Variants in SLC11A1 observed in about 807,000 individuals in gnomAD.
The protein encoded by SLC11A1 is natural resistance-associated macrophage protein 1.
Under a neutral mutation model 63.2 loss-of-function variants are expected in SLC11A1, and 59 were observed. The ratio of observed to expected loss-of-function variants is 0.93; its 90% CI spans 0.76 to 1.16. The LOEUF is 1.16. Ranked by LOEUF, SLC11A1 falls within the 50% of genes most tolerant of loss-of-function variation. SLC11A1 has a pLI of 0.00. For missense variants in SLC11A1, 688 were observed against 730.7 expected (o/e 0.94, Z 0.67); for synonymous variants, 305 against 307.8 (o/e 0.99, Z 0.09).
intron 11 of SLC11A1, chr2:218,392,063 T>C (rs1696486403): frequency 2.6e-6 from 1 of 385,204 alleles, no homozygotes; most frequent in Middle Eastern, 8.8e-4. Context: ...GCCTTTTCTT[T>C]TCTTTCTTTC....
In SLC11A1 at chr2:218,394,160, T is replaced by A. The variant is rs1696618246; in HGVS notation, c.1355T>A (p.Met452Lys). ...AVLPILTFTS[M>K]PTLMQEFANG... ...CTGCCCATCCTCACGTTCACCAGCA[T>A]GCCCACCCTCATGCAGGAGTTTGCC... The change falls in exon 13 of 15, where the codon ATG becomes AAG. Residue 452 changes from methionine to lysine, a missense_variant. Coordinates refer to ENST00000233202, the MANE Select transcript of SLC11A1 (RefSeq NM_000578.4). The A allele has an allele frequency of 5.6e-6, 9 of 1,614,074 alleles. No individual in the cohort carries two copies. Among genetic ancestry groups the A allele is most frequent in the Non-Finnish European group, 7.6e-6 (9 of 1,180,032 alleles).
rs1695969730 is a variant in SLC11A1 at position 218,384,471 on chromosome 2, G to A, written c.273+106G>A. On this transcript the variant is annotated intron_variant, in intron 3 of 14. Transcript: ENST00000233202. This position sits in a 1 kb window ranked among gnomAD's most constrained non-coding sequence, Gnocchi z 4.0. ...GTTTCTCCAATGTGGCCTGGGAGCT[G>A]GTGTTAAGTTCAAATGGGCCCGAAA... 2.8e-6 allele frequency: 4 copies of A among 1,404,012 alleles called. No individual in the cohort carries two copies. The highest frequency in any genetic ancestry group is 3.8e-6 in the Non-Finnish European group (4 of 1,041,566). 87.0% of individuals were successfully genotyped at this position (1,404,012 alleles called of 1,614,324 possible).
Position 218,383,015 on chromosome 2 carries a change from G to T in SLC11A1, c.63G>T (p.Pro21=). 3.1e-6 allele frequency: 5 copies of T among 1,611,420 alleles called. No individual in the cohort carries two copies. Among genetic ancestry groups the T allele is most frequent in the Non-Finnish European group, 4.2e-6 (5 of 1,179,742 alleles). Reference sequence around the variant, plus strand: ...CCAGCTATGGTTCCATCTCCAGCCCGACCAGCCCGACCAGCCCAGGGCCAC... The same window carrying T: ...CCAGCTATGGTTCCATCTCCAGCCCTACCAGCCCGACCAGCCCAGGGCCAC... ...SGSSYGSISS[P]TSPTSPGPQQ... is the part of the protein sequence containing the mutation. Residue 21 remains proline, a synonymous_variant, in exon 2 of 15, where the codon CCG becomes CCT. Coordinates refer to ENST00000233202, the MANE Select transcript of SLC11A1 (RefSeq NM_000578.4).
intron 13 of SLC11A1, 49 bp downstream of exon 13, chr2:218,394,242 C>G: frequency 6.5e-7 from 1 of 1,548,426 alleles, no homozygotes; most frequent in Non-Finnish European, 8.9e-7. Flanking sequence ...ACATTTCATC[C>G]TCACAGCCAC....
At chr2:218,394,536 C>G in intron 13 of SLC11A1, 96 bp from the exon 14 acceptor site, 5 of 1,371,540 alleles carry the variant, frequency 3.6e-6, no homozygotes, top group Non-Finnish European at 5.1e-6. Flanking sequence ...CTCAGTGTAT[C>G]CCCACCCCCA....
At chr2:218,390,603 G>A (rs1696372668) in intron 9 of SLC11A1, among the ~76,000 whole-genome samples, 1 of 152,162 alleles carries the variant, frequency 6.6e-6, no homozygotes. Context: ...CCAAGGACCT[G>A]GGCACTGCCA....
At chr2:218,387,049 G>C in intron 5 of SLC11A1, 111 bp from the exon 6 acceptor site, 1 of 985,496 alleles carries the variant, frequency 1.0e-6, no homozygotes, top group East Asian at 2.4e-5. Context: ...GTCTGGGGGC[G>C]CTTAGGGTCC....
intron 11 of SLC11A1, chr2:218,392,125 A>T: frequency 2.5e-6 from 1 of 393,218 alleles, no homozygotes; most frequent in South Asian, 1.8e-5. Context: ...GCTGGAGTGC[A>T]ATGGCGCGAT....
rs1229555010 is a variant in SLC11A1, at chr2:218,387,728, G to C, written c.640-72G>C. On this transcript the variant is annotated intron_variant, in intron 7 of 14. Coordinates refer to ENST00000233202, the MANE Select transcript of SLC11A1 (RefSeq NM_000578.4). ...GGCTGCGGGGGGCTGGGGTGGGATG[G>C]AGGCTGAGAAATGGTGACCGCGGCG... 2.5e-6 allele frequency: 4 copies of C among 1,611,676 alleles called. No homozygotes were observed. The African/African-American group carries it at 4.0e-5, about 16-fold the overall frequency.
chr2:218,391,254 C>A lies in SLC11A1; in HGVS notation c.1011C>A (p.Asn337Lys), dbSNP rs756884699. 21 of 1,612,402 alleles carry A rather than the reference C, an allele frequency of 1.3e-5. No individual in the cohort carries two copies. The East Asian group carries it at 4.7e-4, about 36-fold the overall frequency. Residue 337 changes from asparagine (N) to lysine (K), a missense_variant, in exon 10 of 15, where the codon AAC (asparagine) becomes AAA (lysine). Asn to Lys is a moderately conservative substitution (Grantham distance 94). Transcript: ENST00000233202. ...ACTACGCCAAGATCTTCCCCATGAA[C>A]AACGCCACCGTGGCCGTGGACATTT... ...LHDYAKIFPM[N>K]NATVAVDIYQ...
Position 218,384,912 on chromosome 2 carries a change from G to A in SLC11A1, c.274-235G>A. ...TAATTTATTTATTTATTTAGAGATG[G>A]GGGTCTCACTATGTTGCTCAGGCTG... is the stretch of plus-strand genomic sequence containing the variant. On this transcript the variant is annotated intron_variant, in intron 3 of 14. Transcript: ENST00000233202. This position sits in a 1 kb window ranked among gnomAD's most constrained non-coding sequence, Gnocchi z 4.0. The A allele has an allele frequency of 2.1e-6, 1 of 470,088 alleles. No homozygotes were observed. The highest frequency in any genetic ancestry group is 3.9e-6 in the Non-Finnish European group (1 of 256,326). The allele number at this position is 470,088 out of a possible 1,614,324, so 29.1% of individuals were successfully genotyped here. A position where few individuals can be genotyped will look rare whatever the true frequency, so the allele number is the denominator to read the frequency against.
Position 218,387,186 on chromosome 2 carries a change from T to C in SLC11A1, c.527T>C (p.Ile176Thr). 1 of 1,614,168 alleles carries C rather than the reference T, an allele frequency of 6.2e-7. No homozygotes were observed. Among genetic ancestry groups the C allele is most frequent in the South Asian group, 1.1e-5 (1 of 91,078 alleles). ...GRIPLWGGVLITIVDTFFFLF... is the reference protein window; with the variant it reads ...GRIPLWGGVLTTIVDTFFFLF... Reference sequence around the variant, plus strand: ...ATCCCACTCTGGGGTGGCGTCCTCATCACCATCGTGGACACCTTCTTCTTC... The same window carrying C: ...ATCCCACTCTGGGGTGGCGTCCTCACCACCATCGTGGACACCTTCTTCTTC... The change falls in exon 6 of 15, where the codon ATC (isoleucine) becomes ACC (threonine). Residue 176 changes from isoleucine to threonine, a missense_variant. Ile to Thr is a moderately conservative substitution (Grantham distance 89). Coordinates refer to ENST00000233202, the MANE Select transcript of SLC11A1 (RefSeq NM_000578.4).
intron 8 of SLC11A1, among the ~76,000 whole-genome samples, chr2:218,389,194 G>C (rs1426092974): frequency 6.6e-6 from 1 of 151,982 alleles, no homozygotes; most frequent in Non-Finnish European, 1.5e-5. Context: ...TGAAAGTTGG[G>C]GAAGTAGATC....
chr2:218,394,218 T>A lies in SLC11A1; in HGVS notation c.1388+25T>A, dbSNP rs749489978. 4 of 1,608,012 alleles carry A rather than the reference T, an allele frequency of 2.5e-6. No individual in the cohort carries two copies. In the African/African-American group the frequency reaches 5.3e-5, roughly 22 times the overall value. ...TGTGAGTACCCCCTTTCCCAAGTGC[T>A]GGATTGCATCACCACATTTCATCCT... On this transcript the variant is annotated intron_variant, in intron 13 of 14. Coordinates refer to ENST00000233202, the MANE Select transcript of SLC11A1 (RefSeq NM_000578.4).
At position 218,386,639 on chromosome 2, in the gene SLC11A1, C is replaced by T. The variant is rs1574765770; in HGVS notation, c.398C>T (p.Pro133Leu). The change falls in exon 5 of 15, where the codon CCC (proline) becomes CTC (leucine). Residue 133 changes from proline (P) to leucine (L), a missense_variant. Coordinates refer to ENST00000233202, the MANE Select transcript of SLC11A1 (RefSeq NM_000578.4). ...AGGATCATCTCCTCCCCATAGGTGC[C>T]CCGCACCGTCCTCTGGCTGACCATC... The part of the protein sequence containing the change: ...EVCHLYYPKV[P>L]RTVLWLTIEL... The T allele has an allele frequency of 6.2e-7, 1 of 1,612,704 alleles. No homozygotes were observed. The highest frequency in any genetic ancestry group is 8.5e-7 in the Non-Finnish European group (1 of 1,179,240).
intron 8 of SLC11A1, chr2:218,388,295 G>C (rs1275146749): frequency 4.3e-6 from 1 of 231,968 alleles, no homozygotes; most frequent in Non-Finnish European, 8.5e-6. Flanking sequence ...TTGAACCCGG[G>C]AGGCAGAGGT....
At position 218,393,737 on chromosome 2, in the gene SLC11A1, C is replaced by G. The variant is rs528205927; in HGVS notation, c.1315-383C>G. Among the ~76,000 whole-genome samples, 39 of 152,048 alleles carry G rather than the reference C, an allele frequency of 2.6e-4. No individual in the cohort carries two copies. The South Asian group carries it at 8.1e-3, about 32-fold the overall frequency. ...AGGTGATCCACCCGCCTTGGCCTCC[C>G]AAAGTGCAAGGATTACAGGCATGAG... On this transcript the variant is annotated intron_variant, in intron 12 of 14. Coordinates refer to ENST00000233202, the MANE Select transcript of SLC11A1 (RefSeq NM_000578.4).
In SLC11A1 at chr2:218,392,986, C is replaced by T. The variant is rs367932625; in HGVS notation, c.1170C>T (p.Phe390=). The T allele has an allele frequency of 2.7e-5, 43 of 1,591,686 alleles. No homozygotes were observed. Among genetic ancestry groups the T allele is most frequent in the East Asian group, 1.2e-4 (5 of 42,802 alleles). The stretch of plus-strand genomic sequence containing the variant: ...GGAGTTCACCCCCACCCCAGGGCTT[C>T]CTGAGGCTGCGGTGGTCACGCTTCG... ...TYAGQFVMEG[F]LRLRWSRFAR... Residue 390 remains phenylalanine, a synonymous_variant, in exon 12 of 15, where the codon TTC becomes TTT. Coordinates refer to ENST00000233202, the MANE Select transcript of SLC11A1 (RefSeq NM_000578.4).
At position 218,384,252 on chromosome 2, in the gene SLC11A1, A is replaced by C. The variant is rs1168169998; in HGVS notation, c.160A>C (p.Ser54Arg). The C allele has an allele frequency of 6.3e-7, 1 of 1,598,886 alleles. No individual in the cohort carries two copies. The highest frequency in any genetic ancestry group is 1.7e-5 in the Admixed American group (1 of 59,344). ...TCCCACCCCCCAACAGGGCACCTTC[A>C]GCCTGCGGAAGCTATGGGCCTTCAC... is the stretch of plus-strand genomic sequence containing the variant. ...PIPDTKPGTFSLRKLWAFTGP... is the reference protein window; with the variant it reads ...PIPDTKPGTFRLRKLWAFTGP... The change falls in exon 3 of 15, where the codon AGC becomes CGC. Residue 54 changes from serine to arginine, a missense_variant. Coordinates refer to ENST00000233202, the MANE Select transcript of SLC11A1 (RefSeq NM_000578.4). This position sits in a 1 kb window ranked among gnomAD's most constrained non-coding sequence, Gnocchi z 4.0.
Sources: gnomAD v4.1 joint callset for allele counts (sites outside exome capture counted in the v4.1 genomes callset) on GRCh38, gnomAD v4.1.1 for gene constraint, Gnocchi (gnomAD v3.1) non-coding constraint, MANE v1.5 for transcripts, NCBI Gene and HGNC (gene_info 2026-07-23, HGNC 2026-07-21) for gene names.